Variants in IGF2R observed in about 807,000 individuals in gnomAD.
The protein encoded by IGF2R is insulin like growth factor 2 receptor, also known as cation-independent mannose-6-phosphate receptor.
In IGF2R, 91 loss-of-function variants were observed where a neutral mutation model predicts 270.6. The ratio of observed to expected loss-of-function variants is 0.34; its 90% CI spans 0.28 to 0.40. The LOEUF (loss-of-function observed/expected upper bound fraction) is 0.40. Among genes scored for constraint, IGF2R ranks in the 10% least tolerant of loss-of-function variants. IGF2R has a pLI of 1.00. For synonymous variants in IGF2R, 1,316 were observed against 1,258.9 expected (o/e 1.05, Z -0.96); for missense variants, 2,805 against 3,188.3 (o/e 0.88, Z 2.90).
intron 13 of IGF2R, among the ~76,000 whole-genome samples, chr6:160,045,418 A>C (rs1363727348): frequency 6.6e-6 from 1 of 152,168 alleles, no homozygotes; most frequent in East Asian, 1.9e-4. Context: ...ACTGCTTTTA[A>C]GTGTGTAGCT....
chr6:159,992,598 TCACACACACACACA>T (rs71033567), intron 2 of IGF2R, among the ~76,000 whole-genome samples: 5 of 146,152 alleles, frequency 3.4e-5, no homozygotes, highest in South Asian at 2.2e-4. Flanking sequence ...AAGAATGAAA[TCACACACACACACA>T]CACACACACA....
intron 2 of IGF2R, among the ~76,000 whole-genome samples, chr6:160,001,956 CCTCT>C (rs1784136553): frequency 6.6e-6 from 1 of 152,196 alleles, no homozygotes; most frequent in Admixed American, 6.5e-5. Context: ...CATTTCACTC[CCTCT>C]AACCTTAGCT....
At chr6:160,090,633 G>A (rs954630137) in intron 44 of IGF2R, among the ~76,000 whole-genome samples, 1 of 152,210 alleles carries the variant, frequency 6.6e-6, no homozygotes, top group Non-Finnish European at 1.5e-5. Context: ...TCACATAATC[G>A]TGAAAGGCTG....
intron 29 of IGF2R, among the ~76,000 whole-genome samples, chr6:160,065,836 A>ATATG (rs1778570714): frequency 3.4e-5 from 4 of 117,014 alleles, no homozygotes; most frequent in African/African-American, 1.1e-4. Context: ...ATATATATAT[A>ATATG]TATATATATG....
intron 35 of IGF2R, 42 bp downstream of exon 35, chr6:160,074,017 A>G: frequency 7.1e-7 from 1 of 1,410,238 alleles, no homozygotes. Flanking sequence ...TTTTTGCAAG[A>G]CTTTTAGTGA....
At chr6:159,979,379 A>G (rs1044192187) in intron 1 of IGF2R, among the ~76,000 whole-genome samples, 3 of 152,178 alleles carry the variant, frequency 2.0e-5, no homozygotes, top group African/African-American at 7.2e-5. Context: ...CTGAGACTCC[A>G]GTGAGTCACC....
At position 160,064,530 on chromosome 6, in the gene IGF2R, G is replaced by T. The variant is rs1444720239; in HGVS notation, c.4016G>T (p.Arg1339Leu). 6.2e-7 allele frequency: 1 copy of T among 1,613,932 alleles called. No individual in the cohort carries two copies. Among genetic ancestry groups the T allele is most frequent in the African/African-American group, 1.3e-5 (1 of 74,884 alleles). The change falls in exon 28 of 48, where the codon CGG becomes CTG. Residue 1339 changes from arginine (R) to leucine (L), a missense_variant and splice_region_variant. This residue lies in a region of IGF2R where 1,851 missense variants were observed against 2,207.2 expected (regional missense o/e 0.84). Coordinates refer to ENST00000356956, the MANE Select transcript of IGF2R (RefSeq NM_000876.4). ...IFFYCDRGTQRPVFLKETSDC... is the reference protein window; with the variant it reads ...IFFYCDRGTQLPVFLKETSDC... ...TTCTACTGTGACCGCGGCACCCAGCGGGTGAGCATGTACCGACGGCCCTCA... is the reference window on the plus strand; with the variant it reads ...TTCTACTGTGACCGCGGCACCCAGCTGGTGAGCATGTACCGACGGCCCTCA...
chr6:160,038,000 T>C (rs1315712505), intron 10 of IGF2R, among the ~76,000 whole-genome samples: 3 of 152,212 alleles, frequency 2.0e-5, no homozygotes, highest in African/African-American at 7.2e-5. Flanking sequence ...AGTTTAGCTA[T>C]GTGTCTAGAG....
intron 4 of IGF2R, among the ~76,000 whole-genome samples, chr6:160,011,330 G>C (rs956146288): frequency 1.3e-5 from 2 of 152,072 alleles, no homozygotes; most frequent in Non-Finnish European, 2.9e-5. Flanking sequence ...TCACCTCAGA[G>C]ACTAGATTAC....
chr6:159,995,213 A>G (rs1448052850), intron 2 of IGF2R, among the ~76,000 whole-genome samples: 2 of 150,766 alleles, frequency 1.3e-5, no homozygotes, highest in Non-Finnish European at 3.0e-5. Flanking sequence ...TTTTTTAACT[A>G]TTATTGACTT....
intron 3 of IGF2R, chr6:160,010,467 A>G: frequency 4.4e-6 from 2 of 456,094 alleles, no homozygotes; most frequent in East Asian, 7.0e-5. Context: ...CCTTTGGATT[A>G]GTTACACAAA....
intron 5 of IGF2R, among the ~76,000 whole-genome samples, chr6:160,025,910 T>G (rs1033387089): frequency 2.0e-5 from 3 of 152,228 alleles, no homozygotes; most frequent in Non-Finnish European, 2.9e-5. Flanking sequence ...ATTTGCTGAG[T>G]ATTTTCTTAC....
chr6:160,024,184 C>T (rs189512964), intron 4 of IGF2R, among the ~76,000 whole-genome samples: 64 of 152,062 alleles, frequency 4.2e-4, no homozygotes, highest in African/African-American at 1.4e-3. Context: ...GAGGAGAAGA[C>T]GTGTAGGGAC....
In IGF2R at chr6:160,110,286, AC is replaced by A. The variant is rs1459099073; in HGVS notation, c.*5204del. On this transcript the variant is annotated 3_prime_UTR_variant, in exon 48 of 48. Coordinates refer to ENST00000356956, the MANE Select transcript of IGF2R (RefSeq NM_000876.4). The stretch of plus-strand genomic sequence containing the variant: ...ATGCTGGGTGGGTGGTCTGTATGAG[AC>A]CACACCGTTGATGAGCAGTGAGGCC... 7.2e-5 allele frequency: 11 copies of A among 152,262 alleles called. No individual in the cohort carries two copies. The highest frequency in any genetic ancestry group is 4.1e-4 in the South Asian group (2 of 4,826). 9.4% of individuals were successfully genotyped at this position (152,262 alleles called of 1,614,324 possible). A position where few individuals can be genotyped will look rare whatever the true frequency, so the allele number is the denominator to read the frequency against.
intron 4 of IGF2R, among the ~76,000 whole-genome samples, chr6:160,011,281 G>A (rs1784329318): frequency 6.6e-6 from 1 of 152,136 alleles, no homozygotes; most frequent in Admixed American, 6.5e-5. Flanking sequence ...TGGCTGCAAT[G>A]TGAGTCCAGG....
Position 159,991,006 on chromosome 6 carries a change from G to T in IGF2R, c.150-178G>T, listed in dbSNP as rs1243080862. On this transcript the variant is annotated intron_variant, in intron 1 of 47. Coordinates refer to ENST00000356956, the MANE Select transcript of IGF2R (RefSeq NM_000876.4). ...GAACCACAGACAGATGGTGTTAGTA[G>T]TTTCTGCCCTGGCTTCTTTGCAACT... Among the ~76,000 whole-genome samples, 3 of 152,224 alleles carry T rather than the reference G, an allele frequency of 2.0e-5. No individual in the cohort carries two copies. In the East Asian group the frequency reaches 5.8e-4, roughly 29 times the overall value.
chr6:160,089,846 C>T (rs1779179999), intron 43 of IGF2R, 70 bp from the exon 44 acceptor site: 2 of 1,111,022 alleles, frequency 1.8e-6, no homozygotes, highest in Non-Finnish European at 2.5e-6. Context: ...ATTCTGAGGA[C>T]TGAGGGTTTA....
chr6:160,104,533 G>A, intron 47 of IGF2R, 141 bp from the exon 48 acceptor site: 1 of 799,978 alleles, frequency 1.3e-6, no homozygotes, highest in Non-Finnish European at 2.0e-6. Flanking sequence ...CCTGGGAACT[G>A]GAGATGCAGT....
intron 16 of IGF2R, 78 bp from the exon 17 acceptor site, chr6:160,047,714 C>T (rs921962637): frequency 2.0e-5 from 18 of 897,992 alleles, no homozygotes; most frequent in South Asian, 1.7e-4. Context: ...ACATTGCTCT[C>T]GTCCTTTTTT....
Sources: allele counts gnomAD v4.1 joint callset (sites outside exome capture counted in the v4.1 genomes callset), GRCh38; gene constraint gnomAD v4.1.1; regional missense constraint gnomAD v4.1.1; transcripts MANE v1.5; gene names NCBI Gene and HGNC (gene_info 2026-07-23, HGNC 2026-07-21).